CAMTA1: variants seen among roughly 807,000 people sequenced by gnomAD.
CAMTA1 encodes calmodulin binding transcription activator 1.
In CAMTA1, 27 loss-of-function variants were observed where a neutral mutation model predicts 170.9. The observed-to-expected ratio is 0.16, with a 90% CI of 0.12 to 0.22. The LOEUF is 0.22. CAMTA1 is among the 10% of genes least tolerant of loss of function. The probability of loss-of-function intolerance (pLI) is 1.00; values close to 1 mark genes in which losing one functional copy is unlikely to be tolerated. For synonymous variants in CAMTA1, 833 were observed against 891.5 expected, an observed-to-expected ratio of 0.93 and a Z score of 1.17; for missense variants, 1,619 against 2,217.2, an observed-to-expected ratio of 0.73 and a Z score of 5.42.
rs1459950609 is a variant in CAMTA1 at position 7,682,987 on chromosome 1, C to A, written c.2914+5254C>A. On this transcript the variant is annotated intron_variant, in intron 11 of 22. Coordinates refer to ENST00000303635, the MANE Select transcript of CAMTA1 (RefSeq NM_015215.4). This position sits in a 1 kb window ranked among gnomAD's most constrained non-coding sequence, Gnocchi z 5.0. ...GAGATCGAGCCCATCCTGGTTAACA[C>A]GGTGAAACCCCGCCTCTACTAAAAA... 6.6e-6 allele frequency among the ~76,000 whole-genome samples: 1 copy of A among 152,038 alleles called. No homozygotes were observed. Among genetic ancestry groups the A allele is most frequent in the Non-Finnish European group, 1.5e-5 (1 of 67,968 alleles).
intron 5 of CAMTA1, among the ~76,000 whole-genome samples, chr1:7,302,029 C>G (rs1674845010): frequency 6.6e-6 from 1 of 152,172 alleles, no homozygotes; most frequent in Admixed American, 6.5e-5. Context: ...TGAATAAAAA[C>G]TCGATCAGGA....
intron 6 of CAMTA1, among the ~76,000 whole-genome samples, chr1:7,623,863 G>A (rs577137856): frequency 3.3e-5 from 5 of 152,290 alleles, no homozygotes; most frequent in African/African-American, 9.6e-5. Context: ...TGCAGCCACC[G>A]CAATTAATTG....
At chr1:7,105,355 T>C (rs769438534) in intron 4 of CAMTA1, among the ~76,000 whole-genome samples, 22 of 152,216 alleles carry the variant, frequency 1.4e-4, no homozygotes, top group Non-Finnish European at 2.2e-4. Context: ...GCCAGAAAGT[T>C]CGGGCTTATC....
At position 7,738,494 on chromosome 1, in the gene CAMTA1, GGAC is replaced by G; in HGVS notation, c.4182+13_4182+15del. 6.2e-7 allele frequency: 1 copy of G among 1,609,918 alleles called. No individual in the cohort carries two copies. Among genetic ancestry groups the G allele is most frequent in the Non-Finnish European group, 8.5e-7 (1 of 1,177,230 alleles). ...TGGATGACATACAGGTAAAAAGCAG[GGAC>G]AGGGTAAGCCCGCAGAGGCTGGTGC... On this transcript the variant is annotated intron_variant, in intron 16 of 22. Coordinates refer to ENST00000303635, the MANE Select transcript of CAMTA1 (RefSeq NM_015215.4). The surrounding 1 kb of genome is among the most constrained non-coding windows in gnomAD (Gnocchi z 4.9).
At chr1:7,000,081 G>T (rs1405355513) in intron 3 of CAMTA1, among the ~76,000 whole-genome samples, 3 of 152,228 alleles carry the variant, frequency 2.0e-5, no homozygotes, top group Non-Finnish European at 4.4e-5. Flanking sequence ...AGCTGGTGCT[G>T]GGTGAGGGGC....
intron 5 of CAMTA1, among the ~76,000 whole-genome samples, chr1:7,352,558 A>G (rs2084766763): frequency 6.6e-6 from 1 of 152,136 alleles, no homozygotes; most frequent in African/African-American, 2.4e-5. Flanking sequence ...TTTCCTCTCC[A>G]GGGCAGACTC....
At chr1:7,401,425 G>C (rs59070318) in intron 5 of CAMTA1, among the ~76,000 whole-genome samples, 2,561 of 152,190 alleles carry the variant, frequency 0.017, 71 homozygotes, top group African/African-American at 0.059. Context: ...AAATCACGTA[G>C]AATGTCTTCC....
intron 4 of CAMTA1, among the ~76,000 whole-genome samples, chr1:7,184,049 A>G (rs1171425288): frequency 1.3e-5 from 2 of 152,238 alleles, no homozygotes; most frequent in Non-Finnish European, 2.9e-5. Context: ...CTATTCAGCC[A>G]TAAGAAGAGT....
rs533130184 is a variant in CAMTA1 at position 7,020,116 on chromosome 1, A to G, written c.235-71188A>G. ...AATATTACCTGCAGAAGAACTTTCC[A>G]TCTTTTATAACAGGCAATTCTGTTC... On this transcript the variant is annotated intron_variant, in intron 3 of 22. Coordinates refer to ENST00000303635, the MANE Select transcript of CAMTA1 (RefSeq NM_015215.4). Among the ~76,000 whole-genome samples, 49 of 152,358 alleles carry G rather than the reference A, an allele frequency of 3.2e-4. 2 individuals carry two copies. The South Asian group carries it at 7.0e-3, about 22-fold the overall frequency.
intron 3 of CAMTA1, chr1:6,834,434 C>T (rs562728705): frequency 4.5e-5 from 10 of 222,176 alleles, no homozygotes; most frequent in South Asian, 4.2e-4. Flanking sequence ...GTGCCTCGTT[C>T]GGCCAGTCCT....
At chr1:6,891,729 A>G (rs902300640) in intron 3 of CAMTA1, among the ~76,000 whole-genome samples, 1 of 152,242 alleles carries the variant, frequency 6.6e-6, no homozygotes, top group Non-Finnish European at 1.5e-5. Flanking sequence ...TGGACTTCCC[A>G]ATAGAAAGTC....
At chr1:7,322,262 C>G (rs775525004) in intron 5 of CAMTA1, among the ~76,000 whole-genome samples, 1 of 152,166 alleles carries the variant, frequency 6.6e-6, no homozygotes, top group South Asian at 2.1e-4. Context: ...GCCCCACAAT[C>G]GAAGGCTCCC....
intron 5 of CAMTA1, among the ~76,000 whole-genome samples, chr1:7,298,996 G>T (rs1674381395): frequency 6.6e-6 from 1 of 152,156 alleles, no homozygotes; most frequent in South Asian, 2.1e-4. Flanking sequence ...TATTTGCTTT[G>T]ACTAAGGGGC....
intron 5 of CAMTA1, among the ~76,000 whole-genome samples, chr1:7,329,824 T>G (rs894440084): frequency 2.1e-4 from 32 of 152,236 alleles, no homozygotes; most frequent in African/African-American, 7.2e-4. Flanking sequence ...AAATCCCATT[T>G]AATGATGATT....
At chr1:7,518,182 C>A (rs1226667575) in intron 6 of CAMTA1, among the ~76,000 whole-genome samples, 1 of 151,950 alleles carries the variant, frequency 6.6e-6, no homozygotes, top group African/African-American at 2.4e-5. Flanking sequence ...AACTCTCAGG[C>A]TGCTTGGAGA....
intron 3 of CAMTA1, among the ~76,000 whole-genome samples, chr1:6,873,060 C>G (rs1470645979): frequency 6.6e-6 from 1 of 152,148 alleles, no homozygotes; most frequent in Admixed American, 6.5e-5. Flanking sequence ...CGAGCTTGTT[C>G]TTGCCTAGTA....
At chr1:6,916,719 G>C (rs1680887036) in intron 3 of CAMTA1, among the ~76,000 whole-genome samples, 1 of 152,210 alleles carries the variant, frequency 6.6e-6, no homozygotes, top group Non-Finnish European at 1.5e-5. Context: ...GCCTCCAGGA[G>C]TTGGCACTCT....
intron 5 of CAMTA1, among the ~76,000 whole-genome samples, chr1:7,411,835 G>A (rs962211520): frequency 3.3e-5 from 5 of 151,742 alleles, no homozygotes; most frequent in Admixed American, 3.3e-4. Context: ...GTATACATGG[G>A]CCATGTTGGT....
intron 3 of CAMTA1, chr1:6,888,181 A>G: frequency 1.0e-6 from 1 of 986,850 alleles, no homozygotes; most frequent in South Asian, 4.7e-5. Flanking sequence ...TGCAGAGTCT[A>G]AATAAACGCT....
Sources: gnomAD v4.1 joint callset for allele counts (sites outside exome capture counted in the v4.1 genomes callset) on GRCh38, gnomAD v4.1.1 for gene constraint, Gnocchi (gnomAD v3.1) non-coding constraint, MANE v1.5 for transcripts, NCBI Gene and HGNC (gene_info 2026-07-23, HGNC 2026-07-21) for gene names.